Variants in RBX1 observed in about 807,000 individuals in gnomAD.
RBX1 encodes the protein E3 ubiquitin-protein ligase RBX1.
For synonymous variants in RBX1, 48 were observed against 47.9 expected, an observed-to-expected ratio of 1.00 and a Z score of -0.01; for missense variants, 46 against 141.4, an observed-to-expected ratio of 0.33 and a Z score of 3.42.
At chr22:40,953,510 T>C in intron 1 of RBX1, 45 bp from the exon 2 acceptor site, 2 of 1,238,524 alleles carry the variant, frequency 1.6e-6, no homozygotes, top group Non-Finnish European at 2.4e-6. Flanking sequence ...AGTATGTGTG[T>C]GTGTTACAAG....
At chr22:40,972,452 A>G in intron 4 of RBX1, 24 bp from the exon 5 acceptor site, 1 of 1,592,562 alleles carries the variant, frequency 6.3e-7, no homozygotes, top group Admixed American at 1.7e-5. Flanking sequence ...GGAATTAATC[A>G]GAGTAATTTA....
intron 2 of RBX1, among the ~76,000 whole-genome samples, chr22:40,960,400 G>C (rs2058336647): frequency 6.6e-6 from 1 of 152,112 alleles, no homozygotes. Context: ...GGTCTTGAAG[G>C]GTGGGGAGGA....
chr22:40,960,833 A>T (rs1241043296), intron 2 of RBX1, among the ~76,000 whole-genome samples: 1 of 152,028 alleles, frequency 6.6e-6, no homozygotes, highest in Non-Finnish European at 1.5e-5. Flanking sequence ...ATCCCAGCTC[A>T]CTGCAACCTC....
intron 3 of RBX1, among the ~76,000 whole-genome samples, chr22:40,965,400 T>C (rs2058351372): frequency 6.6e-6 from 1 of 152,014 alleles, no homozygotes; most frequent in Admixed American, 6.6e-5. Flanking sequence ...GCAACTCTTT[T>C]TCCTACCTAC....
intron 1 of RBX1, among the ~76,000 whole-genome samples, chr22:40,952,490 A>T (rs2058313868): frequency 6.6e-6 from 1 of 152,154 alleles, no homozygotes; most frequent in Non-Finnish European, 1.5e-5. Context: ...TAATAGAAGT[A>T]GGGGCTTTTC....
At chr22:40,959,327 C>A (rs2040055064) in intron 2 of RBX1, among the ~76,000 whole-genome samples, 1 of 152,168 alleles carries the variant, frequency 6.6e-6, no homozygotes, top group African/African-American at 2.4e-5. Flanking sequence ...ACAGTTCCTG[C>A]CCGTTTAAAC....
intron 3 of RBX1, among the ~76,000 whole-genome samples, chr22:40,965,737 C>G (rs921562912): frequency 6.6e-6 from 1 of 152,210 alleles, no homozygotes; most frequent in Non-Finnish European, 1.5e-5. Flanking sequence ...CCACCGTGCC[C>G]AGCCCCTACC....
intron 3 of RBX1, 40 bp downstream of exon 3, chr22:40,964,157 A>G: frequency 6.8e-7 from 1 of 1,474,310 alleles, no homozygotes; most frequent in Non-Finnish European, 9.5e-7. Flanking sequence ...GCTTGTAAAC[A>G]TATTTCCACT....
intron 2 of RBX1, among the ~76,000 whole-genome samples, chr22:40,955,698 C>T (rs2058323611): frequency 6.6e-6 from 1 of 152,186 alleles, no homozygotes; most frequent in Admixed American, 6.6e-5. Flanking sequence ...TAGATCTTAT[C>T]TTAAACTTGC....
chr22:40,957,721 G>A (rs147863213), intron 2 of RBX1, among the ~76,000 whole-genome samples: 118 of 152,224 alleles, frequency 7.8e-4, no homozygotes, highest in African/African-American at 2.6e-3. Flanking sequence ...AGGCTGGAGC[G>A]CAGTGGCACA....
At chr22:40,964,762 G>C (rs917358479) in intron 3 of RBX1, among the ~76,000 whole-genome samples, 1 of 152,176 alleles carries the variant, frequency 6.6e-6, no homozygotes, top group African/African-American at 2.4e-5. Flanking sequence ...GTGTCATGGG[G>C]ACAGAATACT....
chr22:40,957,345 CAAA>C (rs146192638), intron 2 of RBX1, among the ~76,000 whole-genome samples: 1 of 149,758 alleles, frequency 6.7e-6, no homozygotes, highest in Non-Finnish European at 1.5e-5. Context: ...AACTCTGTCT[CAAA>C]AAAAAAGACA....
At chr22:40,964,201 G>GA (rs1050465471) in intron 3 of RBX1, 84 bp downstream of exon 3, 11 of 1,034,302 alleles carry the variant, frequency 1.1e-5, no homozygotes, top group Admixed American at 4.1e-5. Flanking sequence ...AATAACTAGG[G>GA]AAAAAAATGA....
At chr22:40,960,960 C>G (rs1477840610) in intron 2 of RBX1, among the ~76,000 whole-genome samples, 1 of 151,960 alleles carries the variant, frequency 6.6e-6, no homozygotes, top group Non-Finnish European at 1.5e-5. Flanking sequence ...GACAGAGTTT[C>G]GCCATGTTGG....
intron 2 of RBX1, among the ~76,000 whole-genome samples, chr22:40,961,226 C>CT (rs1420187966): frequency 6.8e-6 from 1 of 146,122 alleles, no homozygotes; most frequent in Non-Finnish European, 1.5e-5. Flanking sequence ...TAGCTGGGAC[C>CT]ACAGGCATGT....
intron 1 of RBX1, among the ~76,000 whole-genome samples, chr22:40,952,983 C>CTTTTTTT (rs34618218): frequency 1.6e-3 from 136 of 86,892 alleles, no homozygotes; most frequent in Non-Finnish European, 2.4e-3. Context: ...AGTTTGTGCC[C>CTTTTTTT]TTTTTTTTTT....
At chr22:40,956,395 T>A (rs2058325379) in intron 2 of RBX1, among the ~76,000 whole-genome samples, 1 of 130,074 alleles carries the variant, frequency 7.7e-6, no homozygotes, top group Non-Finnish European at 1.7e-5. Context: ...GGTCTTTACC[T>A]TTTTTTTTTT....
chr22:40,969,555 GC>G (rs1276129400), intron 4 of RBX1, among the ~76,000 whole-genome samples: 2 of 152,118 alleles, frequency 1.3e-5, no homozygotes, highest in Non-Finnish European at 2.9e-5. Context: ...TTCGAGACCA[GC>G]CTGGTAACAT....
At chr22:40,961,063 C>T (rs532967251) in intron 2 of RBX1, among the ~76,000 whole-genome samples, 13 of 148,530 alleles carry the variant, frequency 8.8e-5, no homozygotes, top group South Asian at 4.2e-4. Flanking sequence ...CACGCCCGGC[C>T]GAGCCACCGT....
Sources: allele counts gnomAD v4.1 joint callset (sites outside exome capture counted in the v4.1 genomes callset), GRCh38; gene constraint gnomAD v4.1.1; transcripts MANE v1.5; gene names NCBI Gene and HGNC (gene_info 2026-07-23, HGNC 2026-07-21).